Variants in KCNAB1 observed in about 807,000 individuals in gnomAD.
KCNAB1 encodes the protein potassium voltage-gated channel subfamily A regulatory beta subunit 1, also known as voltage-gated potassium channel subunit beta-1.
Under a neutral mutation model 64.6 loss-of-function variants are expected in KCNAB1, and 35 were observed. That is an observed-to-expected ratio of 0.54 (90% CI 0.41 to 0.72). KCNAB1 has a LOEUF of 0.72. Ranked by LOEUF, KCNAB1 falls within the 30% of genes least tolerant of loss-of-function variation. The pLI is 0.00. For missense variants in KCNAB1, 401 were observed against 512.9 expected (o/e 0.78, Z 2.11); for synonymous variants, 177 against 183.8 (o/e 0.96, Z 0.30).
chr3:156,268,557 A>G (rs866693470), intron 1 of KCNAB1, among the ~76,000 whole-genome samples: 3 of 152,166 alleles, frequency 2.0e-5, no homozygotes, highest in African/African-American at 7.2e-5. Flanking sequence ...TTTGGATAAA[A>G]GCCATTTTAA....
chr3:156,143,316 GAGGCCCAGTGGA>G (rs1714817428), intron 1 of KCNAB1: 1 of 1,613,252 alleles, frequency 6.2e-7, no homozygotes, highest in Non-Finnish European at 8.5e-7. Context: ...GCAAACCTGT[GAGGCCCAGTGGA>G]GCAGCCGAAC....
intron 1 of KCNAB1, among the ~76,000 whole-genome samples, chr3:156,352,602 C>A (rs1299673127): frequency 1.3e-5 from 2 of 152,212 alleles, no homozygotes; most frequent in South Asian, 2.1e-4. Flanking sequence ...CCCTGGACAG[C>A]CCCTTCAGTT....
intron 3 of KCNAB1, among the ~76,000 whole-genome samples, chr3:156,455,727 T>G (rs371171373): frequency 6.6e-6 from 1 of 152,170 alleles, no homozygotes; most frequent in Non-Finnish European, 1.5e-5. Flanking sequence ...ACTCCCAGTC[T>G]GCTTCCCAGC....
intron 1 of KCNAB1, among the ~76,000 whole-genome samples, chr3:156,420,005 T>C (rs1576841876): frequency 1.3e-5 from 2 of 152,376 alleles, no homozygotes; most frequent in South Asian, 4.1e-4. Flanking sequence ...ACTGGAGCAA[T>C]CCAATTATTT....
intron 1 of KCNAB1, among the ~76,000 whole-genome samples, chr3:156,373,812 C>A (rs949474006): frequency 1.3e-5 from 2 of 152,184 alleles, no homozygotes; most frequent in African/African-American, 2.4e-5. Flanking sequence ...CTGTGGTAGG[C>A]CCTAGCAAGC....
At chr3:156,281,888 C>G (rs1719749374) in intron 1 of KCNAB1, among the ~76,000 whole-genome samples, 1 of 147,586 alleles carries the variant, frequency 6.8e-6, no homozygotes, top group South Asian at 2.2e-4. Context: ...AGCGGTCTAT[C>G]AATTTTGTTG....
chr3:156,288,495 G>T (rs1311001577), intron 1 of KCNAB1, among the ~76,000 whole-genome samples: 1 of 152,172 alleles, frequency 6.6e-6, no homozygotes, highest in Non-Finnish European at 1.5e-5. Flanking sequence ...TTGACATGTG[G>T]CCTCTTAGCA....
At chr3:156,288,248 GTTACCTCTT>G (rs879283341) in intron 1 of KCNAB1, among the ~76,000 whole-genome samples, 7 of 152,158 alleles carry the variant, frequency 4.6e-5, no homozygotes, top group African/African-American at 7.2e-5. Flanking sequence ...CTTTACCTCA[GTTACCTCTT>G]TAATGTCCTA....
chr3:156,172,693 T>C (rs1459901844), intron 1 of KCNAB1, among the ~76,000 whole-genome samples: 1 of 152,042 alleles, frequency 6.6e-6, no homozygotes, highest in Non-Finnish European at 1.5e-5. Context: ...CCTTTCTAGA[T>C]AATTGGAGGT....
At chr3:156,274,640 A>G (rs1323342170) in intron 1 of KCNAB1, among the ~76,000 whole-genome samples, 1 of 152,218 alleles carries the variant, frequency 6.6e-6, no homozygotes, top group Non-Finnish European at 1.5e-5. Context: ...GGATACCTGG[A>G]TGATGGCTCA....
intron 1 of KCNAB1, among the ~76,000 whole-genome samples, chr3:156,164,525 A>T (rs2108314791): frequency 6.6e-6 from 1 of 152,298 alleles, no homozygotes; most frequent in East Asian, 1.9e-4. Context: ...TTTTCCTGGC[A>T]AATAGTGTGA....
Position 156,120,808 on chromosome 3 carries a change from T to C in KCNAB1, c.197T>C (p.Val66Ala), listed in dbSNP as rs2108249426. 1 of 1,614,124 alleles carries C rather than the reference T, an allele frequency of 6.2e-7. No homozygotes were observed. The highest frequency in any genetic ancestry group is 2.2e-5 in the East Asian group (1 of 44,870). The change falls in exon 1 of 14, where the codon GTG becomes GCG. Residue 66 changes from valine (V) to alanine (A), a missense_variant. Coordinates refer to ENST00000490337, the MANE Select transcript of KCNAB1 (RefSeq NM_172160.3). ...RARQLALLREVEMNWYLKLCD... is the reference protein window; with the variant it reads ...RARQLALLREAEMNWYLKLCD... ...CGTCAACTGGCTCTGCTGCGCGAAG[T>C]GGAGATGAACTGGTACCTAAAGCTC...
chr3:156,143,571 T>TTTTTGTTTTTTTTTTTG (rs1553807978), intron 1 of KCNAB1: 1 of 43,204 alleles, frequency 2.3e-5, no homozygotes, highest in African/African-American at 1.3e-4. Flanking sequence ...GCATTCTTGT[T>TTTTTGTTTTTTTTTTTG]TTTTTTTTTT....
At chr3:156,378,882 A>G (rs1463256431) in intron 1 of KCNAB1, among the ~76,000 whole-genome samples, 1 of 152,144 alleles carries the variant, frequency 6.6e-6, no homozygotes, top group African/African-American at 2.4e-5. Context: ...CAGAGGGAGG[A>G]GGGTCTACAA....
At chr3:156,288,614 C>G (rs1420861804) in intron 1 of KCNAB1, among the ~76,000 whole-genome samples, 1 of 152,176 alleles carries the variant, frequency 6.6e-6, no homozygotes, top group Non-Finnish European at 1.5e-5. Context: ...CTGGGGGAAG[C>G]CACCAATCTG....
At chr3:156,283,921 G>A (rs1210883254) in intron 1 of KCNAB1, among the ~76,000 whole-genome samples, 9 of 149,064 alleles carry the variant, frequency 6.0e-5, no homozygotes, top group East Asian at 2.0e-4. Context: ...ATGTCCTCCC[G>A]TAGCTCAGAG....
chr3:156,509,083 G>T (rs902578246), intron 8 of KCNAB1, among the ~76,000 whole-genome samples: 2 of 150,974 alleles, frequency 1.3e-5, no homozygotes, highest in African/African-American at 2.4e-5. Context: ...GGGCGGAGGG[G>T]AAAGAGGGAG....
chr3:156,285,489 G>T (rs1353327250), intron 1 of KCNAB1, among the ~76,000 whole-genome samples: 1 of 141,036 alleles, frequency 7.1e-6, no homozygotes, highest in African/African-American at 2.7e-5. Context: ...AAAATAATCT[G>T]AATTGTGAAT....
chr3:156,405,239 T>C (rs1714171165), intron 1 of KCNAB1, among the ~76,000 whole-genome samples: 1 of 152,202 alleles, frequency 6.6e-6, no homozygotes, highest in Admixed American at 6.5e-5. Context: ...CACGGTCCCA[T>C]CTTAGGCTCA....
Sources: allele counts gnomAD v4.1 joint callset (sites outside exome capture counted in the v4.1 genomes callset), GRCh38; gene constraint gnomAD v4.1.1; transcripts MANE v1.5; gene names NCBI Gene and HGNC (gene_info 2026-07-23, HGNC 2026-07-21).